Variants in TMEM132C observed in about 807,000 individuals in gnomAD.
TMEM132C encodes transmembrane protein 132C, also known as protein phosphatase 1, regulatory subunit 152.
A neutral mutation model predicts 61.4 loss-of-function variants in TMEM132C; 29 were observed. The ratio of observed to expected loss-of-function variants is 0.47; its 90% CI spans 0.35 to 0.64. TMEM132C has a LOEUF of 0.64. TMEM132C is among the 30% of genes least tolerant of loss of function. The probability of loss-of-function intolerance (pLI) is 0.00; values close to 1 mark genes in which losing one functional copy is unlikely to be tolerated. For missense variants in TMEM132C, 1,408 were observed against 1,476.9 expected (o/e 0.95, Z 0.76); for synonymous variants, 656 against 633.1 (o/e 1.04, Z -0.54).
chr12:128,577,896 G>A (rs969025901), intron 3 of TMEM132C, among the ~76,000 whole-genome samples: 7 of 152,178 alleles, frequency 4.6e-5, no homozygotes, highest in African/African-American at 1.2e-4. Flanking sequence ...ACTCTGCAGT[G>A]CCTTCAGGTA....
intron 1 of TMEM132C, among the ~76,000 whole-genome samples, chr12:128,332,676 T>C (rs951197931): frequency 6.6e-6 from 1 of 152,230 alleles, no homozygotes; most frequent in African/African-American, 2.4e-5. Flanking sequence ...TCTGAGTCCA[T>C]GCTGTGGGAA....
chr12:128,508,617 C>T (rs542595296), intron 2 of TMEM132C, among the ~76,000 whole-genome samples: 8 of 152,304 alleles, frequency 5.3e-5, no homozygotes, highest in Admixed American at 2.6e-4. Context: ...GGAGCAAGGC[C>T]GTGGCTCCGG....
chr12:128,473,081 G>T (rs1374712422), intron 2 of TMEM132C, among the ~76,000 whole-genome samples: 3 of 91,134 alleles, frequency 3.3e-5, no homozygotes, highest in Non-Finnish European at 4.9e-5. Flanking sequence ...CCCTTGGCTT[G>T]TGGCAGCATC....
chr12:128,530,964 G>C (rs1238430426), intron 2 of TMEM132C, among the ~76,000 whole-genome samples: 1 of 152,200 alleles, frequency 6.6e-6, no homozygotes, highest in Non-Finnish European at 1.5e-5. Context: ...TCCTGAAAAT[G>C]TAACAGCCAG....
At chr12:128,562,577 C>T (rs1874562120) in intron 3 of TMEM132C, among the ~76,000 whole-genome samples, 1 of 152,196 alleles carries the variant, frequency 6.6e-6, no homozygotes, top group Non-Finnish European at 1.5e-5. Flanking sequence ...TTAATTTCCC[C>T]ACCTTAGAAG....
chr12:128,390,567 C>A (rs934320264), intron 1 of TMEM132C, among the ~76,000 whole-genome samples: 1 of 152,198 alleles, frequency 6.6e-6, no homozygotes, highest in Non-Finnish European at 1.5e-5. Context: ...CGACTGGCCA[C>A]CTGCCTCCAC....
intron 4 of TMEM132C, among the ~76,000 whole-genome samples, chr12:128,638,995 ATGG>A (rs1160224318): frequency 5.2e-5 from 6 of 114,834 alleles, no homozygotes; most frequent in African/African-American, 1.7e-4. Context: ...GGTGATGGTG[ATGG>A]TGGTGATGAT....
chr12:128,397,064 G>A (rs1874982810), intron 1 of TMEM132C, among the ~76,000 whole-genome samples: 1 of 152,126 alleles, frequency 6.6e-6, no homozygotes, highest in African/African-American at 2.4e-5. Context: ...CCAATCAGGT[G>A]CCCCCACCAT....
intron 4 of TMEM132C, among the ~76,000 whole-genome samples, chr12:128,647,646 C>T (rs1212454069): frequency 3.4e-5 from 5 of 148,908 alleles, no homozygotes; most frequent in African/African-American, 5.1e-5. Context: ...ATGCCATCAA[C>T]GTTAAATATG....
chr12:128,515,303 C>A (rs549720838), intron 2 of TMEM132C, among the ~76,000 whole-genome samples: 1 of 152,184 alleles, frequency 6.6e-6, no homozygotes, highest in Non-Finnish European at 1.5e-5. Flanking sequence ...CCTGCATTTA[C>A]CCGTAATAAT....
At chr12:128,267,758 G>T (rs1870360567) in intron 1 of TMEM132C, among the ~76,000 whole-genome samples, 1 of 152,212 alleles carries the variant, frequency 6.6e-6, no homozygotes, top group Non-Finnish European at 1.5e-5. Flanking sequence ...CGCGGATGAG[G>T]AGGGGGCGTG....
intron 1 of TMEM132C, among the ~76,000 whole-genome samples, chr12:128,293,092 G>A (rs1371904135): frequency 6.6e-6 from 1 of 152,114 alleles, no homozygotes; most frequent in East Asian, 1.9e-4. Context: ...GGTAAGGAGT[G>A]TGCAAATCTG....
At chr12:128,428,025 C>T (rs898939620) in intron 2 of TMEM132C, among the ~76,000 whole-genome samples, 4 of 152,140 alleles carry the variant, frequency 2.6e-5, no homozygotes, top group Admixed American at 6.5e-5. Flanking sequence ...AGTGCTGGCT[C>T]CTCCGGGGGC....
intron 1 of TMEM132C, among the ~76,000 whole-genome samples, chr12:128,299,884 G>A (rs542460211): frequency 6.6e-6 from 1 of 152,280 alleles, no homozygotes; most frequent in East Asian, 1.9e-4. Context: ...ACTGAGCTGG[G>A]TAGGCACATC....
At chr12:128,374,775 C>T (rs1414099781) in intron 1 of TMEM132C, among the ~76,000 whole-genome samples, 1 of 151,902 alleles carries the variant, frequency 6.6e-6, no homozygotes, top group Non-Finnish European at 1.5e-5. Context: ...CAAAAATTAG[C>T]CACGTGCGGT....
intron 5 of TMEM132C, among the ~76,000 whole-genome samples, chr12:128,676,653 C>T (rs1019563261): frequency 6.6e-6 from 1 of 152,138 alleles, no homozygotes; most frequent in African/African-American, 2.4e-5. Context: ...GTCTTATTGG[C>T]AAATCTACAT....
Position 128,706,211 on chromosome 12 carries a change from C to T in TMEM132C, c.3243C>T (p.Asp1081=), listed in dbSNP as rs1394863649. Residue 1081 remains aspartate, a synonymous_variant, in exon 9 of 9, where the codon GAC becomes GAT. Coordinates refer to ENST00000435159, the MANE Select transcript of TMEM132C (RefSeq NM_001136103.3). ...CCATCGTCAGCAGCAATGATGAGGACATCAAATGGGTGTGTCAAGACGTGG... is the reference window on the plus strand; with the variant it reads ...CCATCGTCAGCAGCAATGATGAGGATATCAAATGGGTGTGTCAAGACGTGG... ...VNSIVSSNDE[D]IKWVCQDVAV... is the part of the protein sequence containing the mutation. 12 of 1,551,814 alleles carry T rather than the reference C, an allele frequency of 7.7e-6. No homozygotes were observed. The highest frequency in any genetic ancestry group is 1.0e-5 in the Non-Finnish European group (12 of 1,147,028).
intron 6 of TMEM132C, 140 bp from the exon 7 acceptor site, chr12:128,695,690 A>G: frequency 1.2e-6 from 1 of 827,946 alleles, no homozygotes; most frequent in Non-Finnish European, 1.8e-6. Flanking sequence ...GCCTAGAGAT[A>G]GGCTTGGTGC....
At chr12:128,422,974 A>G (rs1869041834) in intron 2 of TMEM132C, among the ~76,000 whole-genome samples, 1 of 152,178 alleles carries the variant, frequency 6.6e-6, no homozygotes, top group African/African-American at 2.4e-5. Flanking sequence ...TCCCTCAAAC[A>G]TAACTGAAAA....
Sources: gnomAD v4.1 joint callset for allele counts (sites outside exome capture counted in the v4.1 genomes callset) on GRCh38, gnomAD v4.1.1 for gene constraint, MANE v1.5 for transcripts, NCBI Gene and HGNC (gene_info 2026-07-23, HGNC 2026-07-21) for gene names.